Variants in EPB41L3 observed in about 807,000 individuals in gnomAD.
EPB41L3 encodes band 4.1-like protein 3.
EPB41L3 carries 57 observed loss-of-function variants against 127.1 expected under a neutral mutation model. The ratio of observed to expected loss-of-function variants is 0.45; its 90% CI spans 0.36 to 0.56. EPB41L3 has a LOEUF of 0.56. EPB41L3 is among the 20% of genes least tolerant of loss of function. The pLI is 0.00. For synonymous variants in EPB41L3, 572 were observed against 549.5 expected, an observed-to-expected ratio of 1.04 and a Z score of -0.57; for missense variants, 1,273 against 1,372.2, an observed-to-expected ratio of 0.93 and a Z score of 1.14.
At chr18:5,396,593 AAAG>A (rs1415157019) in intron 18 of EPB41L3, among the ~76,000 whole-genome samples, 1 of 152,096 alleles carries the variant, frequency 6.6e-6, no homozygotes, top group African/African-American at 2.4e-5. Flanking sequence ...AACTTCTTAG[AAAG>A]AAGAAACTAA....
At chr18:5,547,405 TA>T (rs2093898674), upstream of EPB41L3, among the ~76,000 whole-genome samples, 1 of 152,330 alleles carries the variant, frequency 6.6e-6, no homozygotes, top group South Asian at 2.1e-4. Context: ...TTCAGATTCT[TA>T]ATTTACTATG....
At chr18:5,466,332 T>C (rs1309319600) in intron 3 of EPB41L3, 2 of 152,222 alleles carry the variant, frequency 1.3e-5, no homozygotes, top group Middle Eastern at 3.2e-3. Flanking sequence ...CACTGGACTG[T>C]AGGGCATTTG....
At chr18:5,525,281 G>A (rs1193507269) in intron 1 of EPB41L3, among the ~76,000 whole-genome samples, 1 of 152,150 alleles carries the variant, frequency 6.6e-6, no homozygotes, top group African/African-American at 2.4e-5. Flanking sequence ...AGTTATCCAA[G>A]AGGCGTGCCA....
At chr18:5,607,497 A>G (rs1365599073) in intron 3 of EPB41L3, among the ~76,000 whole-genome samples, 1 of 152,164 alleles carries the variant, frequency 6.6e-6, no homozygotes, top group Non-Finnish European at 1.5e-5. Flanking sequence ...TATTACCCTG[A>G]CTAATAAAGC....
intron 1 of EPB41L3, among the ~76,000 whole-genome samples, chr18:5,625,089 A>T (rs1306130141): frequency 1.3e-5 from 2 of 152,094 alleles, no homozygotes; most frequent in Admixed American, 1.3e-4. Flanking sequence ...GAACACTTAG[A>T]TACAGGAGAG....
intron 1 of EPB41L3, among the ~76,000 whole-genome samples, chr18:5,495,452 C>T (rs2091069117): frequency 6.6e-6 from 1 of 151,356 alleles, no homozygotes; most frequent in Non-Finnish European, 1.5e-5. Flanking sequence ...GGCCCCAGTC[C>T]CCTGCTTCAA....
intron 1 of EPB41L3, among the ~76,000 whole-genome samples, chr18:5,512,815 C>A (rs1189406065): frequency 6.6e-6 from 1 of 152,120 alleles, no homozygotes; most frequent in Non-Finnish European, 1.5e-5. Flanking sequence ...TCATTATCAT[C>A]GTCAAAATTT....
chr18:5,568,917 C>T lies in EPB41L3; in HGVS notation c.-306+43423G>A, dbSNP rs546946107. ...CAAGCTGAATAATTAGGGAAGGAAA[C>T]CCAAAACTTTCATTAAAACTTAAGA... On this transcript the variant is annotated intron_variant, in intron 3 of 21. Coordinates refer to the EPB41L3 transcript ENST00000545076. 6.6e-4 allele frequency among the ~76,000 whole-genome samples: 100 copies of T among 152,300 alleles called. 3 individuals carry two copies. In the South Asian group the frequency reaches 9.5e-3, roughly 15 times the overall value.
At chr18:5,561,845 G>A (rs191968593) in intron 3 of EPB41L3, among the ~76,000 whole-genome samples, 8 of 152,284 alleles carry the variant, frequency 5.3e-5, no homozygotes, top group African/African-American at 7.2e-5. Flanking sequence ...ATGTGCCCCC[G>A]ATATGACAGA....
At chr18:5,470,842 A>G (rs1413248579) in intron 3 of EPB41L3, among the ~76,000 whole-genome samples, 2 of 152,340 alleles carry the variant, frequency 1.3e-5, no homozygotes, top group African/African-American at 2.4e-5. Flanking sequence ...TACTGGGGTC[A>G]TGGGGCACCA....
intron 3 of EPB41L3, among the ~76,000 whole-genome samples, chr18:5,446,184 T>C (rs531400268): frequency 6.6e-6 from 1 of 152,340 alleles, no homozygotes; most frequent in South Asian, 2.1e-4. Flanking sequence ...TTTCAGTTTA[T>C]ACAGAGTTTT....
At chr18:5,617,149 T>C (rs1391894834) in intron 1 of EPB41L3, among the ~76,000 whole-genome samples, 2 of 152,186 alleles carry the variant, frequency 1.3e-5, no homozygotes, top group Non-Finnish European at 2.9e-5. Flanking sequence ...ACACTTTATA[T>C]TGTTTTTATA....
Position 5,393,157 on chromosome 18 carries a change from A to C in EPB41L3, c.*328T>G. The C allele has an allele frequency of 3.3e-6, 1 of 299,886 alleles. No homozygotes were observed. Among genetic ancestry groups the C allele is most frequent in the African/African-American group, 2.2e-5 (1 of 46,432 alleles). The allele number at this position is 299,886 out of a possible 1,614,324, so 18.6% of individuals were successfully genotyped here. On this transcript the variant is annotated 3_prime_UTR_variant, in exon 23 of 23. Coordinates refer to ENST00000341928, the MANE Select transcript of EPB41L3 (RefSeq NM_012307.5). ...AAGGCATGAATTGTTTATGTGTTAC[A>C]TGAGACCACGGTTTATATTGTTGGT... is the stretch of plus-strand genomic sequence containing the variant.
intron 3 of EPB41L3, chr18:5,612,315 A>G (rs984832928): frequency 3.3e-5 from 5 of 152,208 alleles, no homozygotes; most frequent in African/African-American, 1.2e-4. Context: ...AAGACACTGG[A>G]AGAAATCATG....
At chr18:5,448,459 T>C (rs1051671606) in intron 3 of EPB41L3, among the ~76,000 whole-genome samples, 10 of 152,192 alleles carry the variant, frequency 6.6e-5, no homozygotes, top group Non-Finnish European at 1.5e-4. Context: ...ATGTTTACCA[T>C]ATATGACTAA....
In EPB41L3 at chr18:5,397,778, T is replaced by C. The variant is rs1263056660; in HGVS notation, c.2472+243A>G. Among the ~76,000 whole-genome samples the C allele has an allele frequency of 1.3e-5, 2 of 152,220 alleles. No homozygotes were observed. Among genetic ancestry groups the C allele is most frequent in the Middle Eastern group, 3.2e-3 (1 of 316 alleles). Reference sequence around the variant, plus strand: ...ACTGGTGAGACATAATGCTTTTAGATATTTAATTCTATTAAAATTTCTCAA... The same window carrying C: ...ACTGGTGAGACATAATGCTTTTAGACATTTAATTCTATTAAAATTTCTCAA... On this transcript the variant is annotated intron_variant, in intron 17 of 22. Coordinates refer to ENST00000341928, the MANE Select transcript of EPB41L3 (RefSeq NM_012307.5). This position sits in a 1 kb window ranked among gnomAD's most constrained non-coding sequence, Gnocchi z 4.1.
chr18:5,580,673 T>C (rs2094385511), intron 3 of EPB41L3, among the ~76,000 whole-genome samples: 1 of 152,170 alleles, frequency 6.6e-6, no homozygotes, highest in African/African-American at 2.4e-5. Flanking sequence ...CACATATGCA[T>C]AAATGCCCAC....
chr18:5,512,494 A>G (rs1326633902), intron 1 of EPB41L3, among the ~76,000 whole-genome samples: 1 of 152,204 alleles, frequency 6.6e-6, no homozygotes, highest in African/African-American at 2.4e-5. Flanking sequence ...ATCAATGCAC[A>G]TTAGGAGCAA....
chr18:5,595,543 C>T (rs1414548704), intron 3 of EPB41L3, among the ~76,000 whole-genome samples: 4 of 152,192 alleles, frequency 2.6e-5, no homozygotes, highest in African/African-American at 7.2e-5. Flanking sequence ...CTTTTGGGAA[C>T]ATTTCCTGGC....
Sources: allele counts gnomAD v4.1 joint callset (sites outside exome capture counted in the v4.1 genomes callset), GRCh38; gene constraint gnomAD v4.1.1; non-coding constraint Gnocchi (gnomAD v3.1); transcripts MANE v1.5; gene names NCBI Gene and HGNC (gene_info 2026-07-23, HGNC 2026-07-21).